The following ADCY5 variants were observed in gnomAD, a reference collection of about 807,000 sequenced individuals.
ADCY5 encodes the protein adenylate cyclase type 5.
Under a neutral mutation model 119.7 loss-of-function variants are expected in ADCY5, and 30 were observed. That is an observed-to-expected ratio of 0.25 (90% CI 0.19 to 0.34). The LOEUF is 0.34. ADCY5 is among the 10% of genes least tolerant of loss of function. ADCY5 has a pLI of 1.00. For synonymous variants in ADCY5, 753 were observed against 762.2 expected (o/e 0.99, Z 0.20); for missense variants, 1,324 against 1,775.2 (o/e 0.75, Z 4.57).
chr3:123,300,334 T>C (rs1281010632), intron 14 of ADCY5, 39 bp from the exon 15 acceptor site: 2 of 1,603,106 alleles, frequency 1.2e-6, no homozygotes, highest in Non-Finnish European at 1.7e-6. Context: ...CCCCAGGCCC[T>C]GCCCGACCCC....
At chr3:123,402,355 G>A (rs1944784105) in intron 1 of ADCY5, among the ~76,000 whole-genome samples, 1 of 152,258 alleles carries the variant, frequency 6.6e-6, no homozygotes, top group African/African-American at 2.4e-5. Context: ...GCAGAGCATG[G>A]CTCCAACCCA....
chr3:123,344,092 T>C (rs1189651235), intron 3 of ADCY5, among the ~76,000 whole-genome samples: 1 of 152,172 alleles, frequency 6.6e-6, no homozygotes, highest in Admixed American at 6.5e-5. Flanking sequence ...CCATGGACAG[T>C]GGTGGCCCCT....
At chr3:123,436,302 AG>A (rs1002577662) in intron 1 of ADCY5, among the ~76,000 whole-genome samples, 3 of 151,738 alleles carry the variant, frequency 2.0e-5, no homozygotes, top group African/African-American at 7.3e-5. Context: ...GAGCCCCAGA[AG>A]CAGAGGTTGC....
intron 3 of ADCY5, among the ~76,000 whole-genome samples, chr3:123,346,328 C>T (rs1942548147): frequency 1.3e-5 from 2 of 152,238 alleles, no homozygotes; most frequent in African/African-American, 2.4e-5. Context: ...CAGCCAGGGG[C>T]AGCCTTCTTC....
Position 123,390,311 on chromosome 3 carries a change from T to C in ADCY5, c.1135-37730A>G, listed in dbSNP as rs9821530. ...AAGCAGCCTTTATAATCCCCTTGAT[T>C]GCCCAGTTTGGTGTCCATCTTTTGC... On this transcript the variant is annotated intron_variant, in intron 1 of 20. Transcript: ENST00000462833. Among the ~76,000 whole-genome samples, 145,137 of 152,282 alleles carry C rather than the reference T, an allele frequency of 0.95. 69,570 individuals are homozygous for C. The highest frequency in any genetic ancestry group is 1 in the East Asian group (5,178 of 5,178).
intron 1 of ADCY5, among the ~76,000 whole-genome samples, chr3:123,430,716 G>C (rs1356390467): frequency 6.6e-6 from 1 of 152,164 alleles, no homozygotes; most frequent in Non-Finnish European, 1.5e-5. Context: ...ATTCGTGGAG[G>C]ATTTAACCTG....
chr3:123,314,633 G>A lies in ADCY5; in HGVS notation c.2355-311C>T, dbSNP rs137955497. On this transcript the variant is annotated intron_variant, in intron 11 of 20. Transcript: ENST00000462833. ...CCACAGGAAGCTGAATGGAGAACCA[G>A]GTGACACCTGATAGGTATTTTGCCT... Among the ~76,000 whole-genome samples the A allele has an allele frequency of 2.5e-4, 38 of 152,342 alleles. No individual in the cohort carries two copies. In the East Asian group the frequency reaches 7.1e-3, roughly 29 times the overall value.
At chr3:123,345,105 G>C (rs1168279376) in intron 3 of ADCY5, among the ~76,000 whole-genome samples, 2 of 152,226 alleles carry the variant, frequency 1.3e-5, no homozygotes, top group Admixed American at 6.5e-5. Context: ...CCATGGGAGA[G>C]AGACAGAGGG....
At chr3:123,437,052 G>A (rs1945630517) in intron 1 of ADCY5, among the ~76,000 whole-genome samples, 1 of 152,146 alleles carries the variant, frequency 6.6e-6, no homozygotes, top group South Asian at 2.1e-4. Context: ...GGAAACATTA[G>A]GAGGGGAGTA....
intron 12 of ADCY5, among the ~76,000 whole-genome samples, chr3:123,308,824 G>C (rs1253846435): frequency 1.4e-5 from 1 of 69,576 alleles, no homozygotes; most frequent in East Asian, 2.6e-4. Context: ...GCGAGACTCT[G>C]TCTCAAAAAC....
At chr3:123,329,755 A>G (rs1487245433) in intron 5 of ADCY5, among the ~76,000 whole-genome samples, 3 of 152,170 alleles carry the variant, frequency 2.0e-5, no homozygotes, top group East Asian at 1.9e-4. Context: ...CATCAGCAAG[A>G]GGCTGACACC....
intron 1 of ADCY5, among the ~76,000 whole-genome samples, chr3:123,413,096 C>T (rs1486331143): frequency 6.6e-6 from 1 of 152,220 alleles, no homozygotes. Flanking sequence ...GGACCAGGCT[C>T]ACTCCCCTGT....
intron 1 of ADCY5, among the ~76,000 whole-genome samples, chr3:123,370,451 T>C (rs1037239543): frequency 2.0e-5 from 3 of 152,182 alleles, no homozygotes; most frequent in African/African-American, 7.2e-5. Flanking sequence ...ACTATGCCAG[T>C]GGGGTATGAA....
intron 3 of ADCY5, among the ~76,000 whole-genome samples, chr3:123,335,368 A>G (rs1304814805): frequency 1.3e-5 from 2 of 152,204 alleles, no homozygotes; most frequent in African/African-American, 2.4e-5. Flanking sequence ...TGGCCTCACC[A>G]TCATAAAACG....
chr3:123,325,325 C>A lies in ADCY5; in HGVS notation c.2085G>T (p.Arg695=). ...GGNQVSKEMK[R]MGFEDPKDKN... is the part of the protein sequence containing the mutation. ...GGCTGCCCCACCAGCCACTCACCAT[C>A]CGCTTCATCTCCTTGGACACCTGGT... The change falls in exon 8 of 21, where the codon CGG becomes CGT. Residue 695 remains arginine (R), a synonymous_variant. Coordinates refer to ENST00000462833, the MANE Select transcript of ADCY5 (RefSeq NM_183357.3). 1 of 1,614,086 alleles carries A rather than the reference C, an allele frequency of 6.2e-7. No homozygotes were observed. The highest frequency in any genetic ancestry group is 8.5e-7 in the Non-Finnish European group (1 of 1,179,972).
intron 1 of ADCY5, among the ~76,000 whole-genome samples, chr3:123,371,441 G>A (rs78827590): frequency 0.016 from 2,398 of 152,334 alleles, 64 homozygotes; most frequent in African/African-American, 0.054. Flanking sequence ...CCAGTCGATC[G>A]CAGTCCCCTG....
At chr3:123,363,765 CG>C (rs1428090003) in intron 1 of ADCY5, among the ~76,000 whole-genome samples, 1 of 152,014 alleles carries the variant, frequency 6.6e-6, no homozygotes, top group Non-Finnish European at 1.5e-5. Flanking sequence ...AAAAATTAGC[CG>C]GGCATGGTGG....
intron 16 of ADCY5, among the ~76,000 whole-genome samples, chr3:123,296,690 T>C (rs79629104): frequency 0.023 from 3,428 of 149,298 alleles, 128 homozygotes; most frequent in African/African-American, 0.077. Context: ...AGGATAACAA[T>C]AGCCACATTT....
rs1938591457 is a variant in ADCY5, at chr3:123,284,409, G to A, written c.*199C>T. On this transcript the variant is annotated 3_prime_UTR_variant, in exon 21 of 21. Coordinates refer to ENST00000462833, the MANE Select transcript of ADCY5 (RefSeq NM_183357.3). ...ATCTTTGGTCAGCTGGGTGCTCGCA[G>A]GACGCTGGCACCCCGGGGCCTGGGA... The A allele has an allele frequency of 1.3e-6, 1 of 743,524 alleles. No homozygotes were observed. Among genetic ancestry groups the A allele is most frequent in the South Asian group, 1.9e-5 (1 of 53,168 alleles). 46.1% of individuals were successfully genotyped at this position (743,524 alleles called of 1,614,324 possible). A position where few individuals can be genotyped will look rare whatever the true frequency, so the allele number is the denominator to read the frequency against.
Sources: allele counts gnomAD v4.1 joint callset (sites outside exome capture counted in the v4.1 genomes callset), GRCh38; gene constraint gnomAD v4.1.1; transcripts MANE v1.5; gene names NCBI Gene and HGNC (gene_info 2026-07-23, HGNC 2026-07-21).